The following CACNG2 variants were observed in gnomAD, a reference collection of about 807,000 sequenced individuals.
The protein encoded by CACNG2 is voltage-dependent calcium channel gamma-2 subunit.
In CACNG2, 3 loss-of-function variants were observed where a neutral mutation model predicts 25.9. The observed-to-expected ratio is 0.12, with a 90% CI of 0.05 to 0.30. The LOEUF (loss-of-function observed/expected upper bound fraction) is 0.30. Ranked by LOEUF, CACNG2 falls within the 10% of genes least tolerant of loss-of-function variation. The pLI is 1.00. For synonymous variants in CACNG2, 167 were observed against 173.3 expected (o/e 0.96, Z 0.29); for missense variants, 341 against 432.5 (o/e 0.79, Z 1.88).
rs192300598 is a variant in CACNG2 at position 36,598,489 on chromosome 22, G to T, written c.212-10941C>A. ...AAAAATTAGCCGGGCTTGGTGGCGGGGGCCTGTAATCCCAGCTACTCGGGA... is the reference window on the plus strand; with the variant it reads ...AAAAATTAGCCGGGCTTGGTGGCGGTGGCCTGTAATCCCAGCTACTCGGGA... On this transcript the variant is annotated intron_variant, in intron 1 of 3. Coordinates refer to ENST00000300105, the MANE Select transcript of CACNG2 (RefSeq NM_006078.5). 7.9e-5 allele frequency among the ~76,000 whole-genome samples: 12 copies of T among 151,634 alleles called. No homozygotes were observed. The East Asian group carries it at 2.3e-3, about 30-fold the overall frequency.
intron 1 of CACNG2, among the ~76,000 whole-genome samples, chr22:36,612,942 T>G (rs566590269): frequency 2.6e-4 from 40 of 152,348 alleles, no homozygotes; most frequent in Middle Eastern, 3.4e-3. Flanking sequence ...AAGTTCATTC[T>G]GCTGATTCCA....
At chr22:36,672,228 C>T (rs1186721679) in intron 1 of CACNG2, among the ~76,000 whole-genome samples, 3 of 152,000 alleles carry the variant, frequency 2.0e-5, no homozygotes, top group South Asian at 4.2e-4. Context: ...GTGACCTTGG[C>T]TCACTGCAGC....
At chr22:36,655,678 CCTTT>C (rs1936691354) in intron 1 of CACNG2, among the ~76,000 whole-genome samples, 1 of 151,508 alleles carries the variant, frequency 6.6e-6, no homozygotes, top group African/African-American at 2.4e-5. Flanking sequence ...TCTTTCTCTT[CCTTT>C]CTTCCTTCCT....
rs539344822 is a variant in CACNG2 at position 36,673,637 on chromosome 22, G to A, written c.211+28729C>T. Among the ~76,000 whole-genome samples the A allele has an allele frequency of 1.3e-4, 20 of 152,032 alleles. No individual in the cohort carries two copies. In the East Asian group the frequency reaches 3.3e-3, roughly 25 times the overall value. On this transcript the variant is annotated intron_variant, in intron 1 of 3. Coordinates refer to ENST00000300105, the MANE Select transcript of CACNG2 (RefSeq NM_006078.5). ...CAGTGTATGCTGGCAGGGAACGAGC[G>A]ATGGGAGGCTGCCCCTTCACCACAC... is the stretch of plus-strand genomic sequence containing the variant.
chr22:36,596,882 C>T (rs561335863), intron 1 of CACNG2, among the ~76,000 whole-genome samples: 3 of 152,018 alleles, frequency 2.0e-5, no homozygotes, highest in African/African-American at 4.8e-5. Flanking sequence ...CTCAGCCTCC[C>T]GGGTAGCTGT....
At chr22:36,593,284 G>A (rs1935624648) in intron 1 of CACNG2, among the ~76,000 whole-genome samples, 1 of 152,224 alleles carries the variant, frequency 6.6e-6, no homozygotes, top group East Asian at 1.9e-4. Flanking sequence ...CTGATTTCCT[G>A]GTTGTGGAAT....
At chr22:36,583,922 C>A (rs1012872847) in intron 2 of CACNG2, among the ~76,000 whole-genome samples, 4 of 152,218 alleles carry the variant, frequency 2.6e-5, no homozygotes, top group Non-Finnish European at 4.4e-5. Flanking sequence ...TGGGCTCCTG[C>A]AAGACCAGCT....
intron 1 of CACNG2, 49 bp downstream of exon 1, chr22:36,702,317 A>G: frequency 2.8e-6 from 3 of 1,054,902 alleles, no homozygotes; most frequent in Non-Finnish European, 3.9e-6. Flanking sequence ...GGGGGAGTGA[A>G]AGGGGAGGGG....
At chr22:36,644,143 A>G (rs999573414) in intron 1 of CACNG2, among the ~76,000 whole-genome samples, 3 of 152,230 alleles carry the variant, frequency 2.0e-5, no homozygotes, top group Non-Finnish European at 4.4e-5. Context: ...CTAAATATTA[A>G]GTATAAAGCT....
intron 1 of CACNG2, among the ~76,000 whole-genome samples, chr22:36,620,826 A>T (rs1936094484): frequency 6.6e-6 from 1 of 152,236 alleles, no homozygotes; most frequent in Non-Finnish European, 1.5e-5. Context: ...TGAGGCCAGT[A>T]GGAGCTCAAA....
intron 1 of CACNG2, among the ~76,000 whole-genome samples, chr22:36,664,490 T>A (rs895424538): frequency 3.3e-5 from 5 of 152,140 alleles, no homozygotes; most frequent in African/African-American, 7.2e-5. Context: ...TAAGGATGCA[T>A]TATAATGCAA....
At chr22:36,685,374 A>G (rs1289348089) in intron 1 of CACNG2, among the ~76,000 whole-genome samples, 1 of 151,588 alleles carries the variant, frequency 6.6e-6, no homozygotes, top group Admixed American at 6.6e-5. Context: ...ACCCTGTGCC[A>G]CCTCGCTATG....
intron 1 of CACNG2, among the ~76,000 whole-genome samples, chr22:36,651,360 C>T (rs932360528): frequency 2.0e-5 from 3 of 150,890 alleles, no homozygotes; most frequent in African/African-American, 7.3e-5. Context: ...TCCCAAGTAG[C>T]TGGGATTACA....
intron 1 of CACNG2, among the ~76,000 whole-genome samples, chr22:36,656,941 T>G (rs1936715552): frequency 6.6e-6 from 1 of 152,224 alleles, no homozygotes; most frequent in African/African-American, 2.4e-5. Context: ...ATCGATTGGT[T>G]GTCTGCCTAT....
chr22:36,617,371 T>C lies in CACNG2; in HGVS notation c.212-29823A>G, dbSNP rs142952996. ...ATTCAGAGGGCAGGTAAAAGCATTG[T>C]ATCAGTCATGCTGGAAATGCTGTAA... On this transcript the variant is annotated intron_variant, in intron 1 of 3. Coordinates refer to ENST00000300105, the MANE Select transcript of CACNG2 (RefSeq NM_006078.5). Among the ~76,000 whole-genome samples the C allele has an allele frequency of 3.5e-4, 54 of 152,210 alleles. No individual in the cohort carries two copies. In the East Asian group the frequency reaches 5.0e-3, roughly 14 times the overall value.
intron 1 of CACNG2, among the ~76,000 whole-genome samples, chr22:36,639,788 C>T (rs1936415200): frequency 6.6e-6 from 1 of 152,148 alleles, no homozygotes; most frequent in South Asian, 2.1e-4. Flanking sequence ...AGGCTTGTGC[C>T]CAAGGATGGA....
intron 1 of CACNG2, among the ~76,000 whole-genome samples, chr22:36,663,766 C>T (rs992169526): frequency 7.2e-5 from 11 of 152,184 alleles, no homozygotes; most frequent in Non-Finnish European, 1.5e-4. Context: ...TGGGGACCCG[C>T]TGTGTCCTGG....
intron 1 of CACNG2, among the ~76,000 whole-genome samples, chr22:36,633,271 A>G (rs1378183451): frequency 3.3e-5 from 5 of 152,198 alleles, no homozygotes; most frequent in African/African-American, 1.2e-4. Flanking sequence ...ATTCTATAAC[A>G]GTGTTTGGCA....
At chr22:36,615,914 G>A (rs1423324211) in intron 1 of CACNG2, among the ~76,000 whole-genome samples, 1 of 152,240 alleles carries the variant, frequency 6.6e-6, no homozygotes, top group African/African-American at 2.4e-5. Context: ...GTATGAAAGT[G>A]TGTCTATGTT....
Sources: gnomAD v4.1 joint callset for allele counts (sites outside exome capture counted in the v4.1 genomes callset) on GRCh38, gnomAD v4.1.1 for gene constraint, MANE v1.5 for transcripts, NCBI Gene and HGNC (gene_info 2026-07-23, HGNC 2026-07-21) for gene names.